ARSB: variants seen among roughly 807,000 people sequenced by gnomAD.
The protein encoded by ARSB is N-acetylgalactosamine-4-sulfatase.
Under a neutral mutation model 50.9 loss-of-function variants are expected in ARSB, and 41 were observed. That is an observed-to-expected ratio of 0.81 (90% confidence interval 0.63 to 1.04). ARSB has a LOEUF of 1.04. ARSB is among the 50% of genes least tolerant of loss of function. The pLI is 0.00. For missense variants in ARSB, 672 were observed against 693.3 expected, an observed-to-expected ratio of 0.97 and a Z score of 0.35; for synonymous variants, 269 against 284.8, an observed-to-expected ratio of 0.94 and a Z score of 0.56.
chr5:78,912,331 A>T (rs1048218142), intron 4 of ARSB, among the ~76,000 whole-genome samples: 1 of 152,226 alleles, frequency 6.6e-6, no homozygotes, highest in Non-Finnish European at 1.5e-5. Context: ...CGATATCAAC[A>T]TATTGCACTG....
intron 5 of ARSB, among the ~76,000 whole-genome samples, chr5:78,875,206 A>C (rs977628475): frequency 6.6e-6 from 1 of 152,124 alleles, no homozygotes; most frequent in African/African-American, 2.4e-5. Context: ...AGAAATCAAT[A>C]ATTTAACTAG....
chr5:78,867,496 G>C (rs1393934729), intron 5 of ARSB, among the ~76,000 whole-genome samples: 6 of 152,222 alleles, frequency 3.9e-5, no homozygotes, highest in Admixed American at 2.0e-4. Flanking sequence ...GCCTCCACAA[G>C]TGGGTCCCTG....
Position 78,985,131 on chromosome 5 carries a change from C to G in ARSB, c.118G>C (p.Gly40Arg), listed in dbSNP as rs1467754538. 5.4e-6 allele frequency: 8 copies of G among 1,469,744 alleles called. No homozygotes were observed. The highest frequency in any genetic ancestry group is 7.2e-6 in the Non-Finnish European group (8 of 1,109,438). The allele number at this position is 1,469,744 out of a possible 1,614,324, so 91.0% of individuals were successfully genotyped here. The change falls in exon 1 of 8, where the codon GGG becomes CGG. Residue 40 changes from glycine to arginine, a missense_variant. Coordinates refer to ENST00000264914, the MANE Select transcript of ARSB (RefSeq NM_000046.5). The stretch of plus-strand genomic sequence containing the variant: ...ACCAGGTGGGGCGGCCGGCTGGCCC[C>G]GGCGCCCGAGCCCGGCGGCGCCAAC... ...LLLAPPGSGA[G>R]ASRPPHLVFL...
At chr5:78,908,453 A>C (rs1035223363) in intron 4 of ARSB, among the ~76,000 whole-genome samples, 10 of 152,336 alleles carry the variant, frequency 6.6e-5, no homozygotes, top group African/African-American at 2.4e-4. Flanking sequence ...GAAGTGGAGC[A>C]GCAGCGGAGA....
At chr5:78,805,995 T>C (rs1164452623) in intron 6 of ARSB, among the ~76,000 whole-genome samples, 1 of 152,226 alleles carries the variant, frequency 6.6e-6, no homozygotes, top group Non-Finnish European at 1.5e-5. Context: ...CTTTCTAATA[T>C]TTTACTTTTC....
chr5:78,860,923 A>C (rs1394535935), intron 5 of ARSB, among the ~76,000 whole-genome samples: 2 of 152,246 alleles, frequency 1.3e-5, no homozygotes, highest in Non-Finnish European at 2.9e-5. Context: ...AAAATGATAA[A>C]GGGTATATCA....
intron 3 of ARSB, among the ~76,000 whole-genome samples, chr5:78,956,009 C>T (rs1284959550): frequency 6.6e-6 from 1 of 152,148 alleles, no homozygotes; most frequent in African/African-American, 2.4e-5. Context: ...CATAGAGTTA[C>T]CATATGACCC....
chr5:78,824,625 C>T (rs1422454341), intron 6 of ARSB, among the ~76,000 whole-genome samples: 1 of 152,158 alleles, frequency 6.6e-6, no homozygotes, highest in Non-Finnish European at 1.5e-5. Flanking sequence ...CAGGTGAGTT[C>T]CTAGGATATA....
chr5:78,926,858 T>C (rs1163447339), intron 4 of ARSB, among the ~76,000 whole-genome samples: 2 of 152,212 alleles, frequency 1.3e-5, no homozygotes, highest in African/African-American at 4.8e-5. Context: ...AGTGGCCAGA[T>C]CATGAAAAGA....
At chr5:78,885,008 A>G (rs934249793) in intron 5 of ARSB, 1 of 152,742 alleles carries the variant, frequency 6.5e-6, no homozygotes, top group African/African-American at 2.4e-5. Flanking sequence ...ACTTATCACA[A>G]CTGGCAGTCA....
intron 6 of ARSB, among the ~76,000 whole-genome samples, chr5:78,799,017 C>T (rs943877323): frequency 5.9e-5 from 9 of 152,180 alleles, no homozygotes; most frequent in East Asian, 1.9e-4. Flanking sequence ...GACAGCAGCC[C>T]CCGAAAGTAA....
At chr5:78,875,113 T>A (rs530050934) in intron 5 of ARSB, among the ~76,000 whole-genome samples, 7 of 152,134 alleles carry the variant, frequency 4.6e-5, no homozygotes, top group Non-Finnish European at 1.0e-4. Flanking sequence ...ACCTTGTCTC[T>A]GTTAAAAAAC....
chr5:78,980,704 T>C lies in ARSB; in HGVS notation c.312+4233A>G, dbSNP rs143378325. ...TCAGAGCATTATTTGTCTACAAACA[T>C]AGGAACTGAATGTCTAAGGAAGTGT... On this transcript the variant is annotated intron_variant, in intron 1 of 7. Coordinates refer to ENST00000264914, the MANE Select transcript of ARSB (RefSeq NM_000046.5). Among the ~76,000 whole-genome samples the C allele has an allele frequency of 2.0e-5, 3 of 147,920 alleles. No homozygotes were observed. The East Asian group carries it at 5.8e-4, about 29-fold the overall frequency.
chr5:78,934,990 C>A (rs78787268), intron 4 of ARSB, among the ~76,000 whole-genome samples: 4,741 of 151,922 alleles, frequency 0.031, 261 homozygotes, highest in African/African-American at 0.11. Context: ...AACAAAATGA[C>A]CTTTAAGCAT....
chr5:78,890,669 A>G (rs1748251160), intron 4 of ARSB, among the ~76,000 whole-genome samples: 1 of 152,188 alleles, frequency 6.6e-6, no homozygotes, highest in Admixed American at 6.5e-5. Context: ...AATCAGGGAA[A>G]AAGTTCCAAC....
chr5:78,822,821 A>T (rs1744289707), intron 6 of ARSB, among the ~76,000 whole-genome samples: 1 of 152,170 alleles, frequency 6.6e-6, no homozygotes, highest in Non-Finnish European at 1.5e-5. Context: ...TATTTTTAGT[A>T]GAGGCAGGGT....
rs368844921 is a variant in ARSB, at chr5:78,834,578, C to G, written c.1213+4778G>C. On this transcript the variant is annotated intron_variant, in intron 6 of 7. Coordinates refer to ENST00000264914, the MANE Select transcript of ARSB (RefSeq NM_000046.5). ...ATTAGAATTTCTTTCACTGTTAGTG[C>G]TGGATACTATTTCATGGTATATATA... is the stretch of plus-strand genomic sequence containing the variant. Among the ~76,000 whole-genome samples the G allele has an allele frequency of 6.7e-5, 9 of 134,248 alleles. No individual in the cohort carries two copies. The South Asian group carries it at 2.1e-3, about 32-fold the overall frequency. The allele number at this position is 134,248 out of a possible 152,430, so 88.1% of individuals were successfully genotyped here. A position where few individuals can be genotyped will look rare whatever the true frequency, so the allele number is the denominator to read the frequency against.
intron 6 of ARSB, among the ~76,000 whole-genome samples, chr5:78,807,449 T>C (rs983471341): frequency 6.6e-6 from 1 of 152,184 alleles, no homozygotes; most frequent in African/African-American, 2.4e-5. Flanking sequence ...CAGGAAAGCA[T>C]ACTCCTCATT....
chr5:78,790,408 C>T (rs914174528), intron 6 of ARSB, among the ~76,000 whole-genome samples: 28 of 152,038 alleles, frequency 1.8e-4, no homozygotes, highest in Admixed American at 3.9e-4. Flanking sequence ...ATAGAAAGTG[C>T]GCAGTTATTA....
Sources: allele counts gnomAD v4.1 joint callset (sites outside exome capture counted in the v4.1 genomes callset), GRCh38; gene constraint gnomAD v4.1.1; transcripts MANE v1.5; gene names NCBI Gene and HGNC (gene_info 2026-07-23, HGNC 2026-07-21).